The following FAM184A variants were observed in gnomAD, a reference collection of about 807,000 sequenced individuals.
The protein encoded by FAM184A is protein FAM184A.
Under a neutral mutation model 143.8 loss-of-function variants are expected in FAM184A, and 99 were observed. That is an observed-to-expected ratio of 0.69 (90% confidence interval 0.58 to 0.81). The LOEUF is 0.81. Among genes scored for constraint, FAM184A ranks in the 40% least tolerant of loss-of-function variants. The pLI is 0.00. For missense variants in FAM184A, 1,217 were observed against 1,310.5 expected (o/e 0.93, Z 1.10); for synonymous variants, 427 against 446.4 (o/e 0.96, Z 0.55).
chr6:119,014,631 T>C (rs1785182859), intron 5 of FAM184A, among the ~76,000 whole-genome samples: 1 of 152,226 alleles, frequency 6.6e-6, no homozygotes, highest in Non-Finnish European at 1.5e-5. Context: ...AAAAACAGTG[T>C]TTCTATTATG....
upstream of FAM184A, among the ~76,000 whole-genome samples, chr6:119,080,938 G>A (rs914636589): frequency 2.6e-5 from 4 of 152,110 alleles, no homozygotes; most frequent in Admixed American, 6.6e-5. Context: ...GAGAGGCCTC[G>A]GGAAACTTAC....
At chr6:119,061,211 C>T (rs1241395346) in intron 1 of FAM184A, among the ~76,000 whole-genome samples, 1 of 152,130 alleles carries the variant, frequency 6.6e-6, no homozygotes, top group Admixed American at 6.5e-5. Flanking sequence ...GAATAGTTTA[C>T]AAGTTGCGGT....
At chr6:119,104,131 G>A (rs1321206089) in intron 1 of FAM184A, among the ~76,000 whole-genome samples, 1 of 151,784 alleles carries the variant, frequency 6.6e-6, no homozygotes, top group African/African-American at 2.4e-5. Flanking sequence ...CAACCTCCCA[G>A]GCTCAAACGA....
intron 1 of FAM184A, among the ~76,000 whole-genome samples, chr6:119,118,993 G>T (rs564180044): frequency 6.6e-6 from 1 of 152,250 alleles, no homozygotes; most frequent in Non-Finnish European, 1.5e-5. Context: ...ATCCCTAAGG[G>T]TAGGCCTCTG....
chr6:119,115,819 A>G (rs1030952791), intron 1 of FAM184A, among the ~76,000 whole-genome samples: 7 of 150,626 alleles, frequency 4.6e-5, no homozygotes, highest in African/African-American at 1.7e-4. Context: ...AAAAAAAAAA[A>G]ATAGCCTGGT....
intron 1 of FAM184A, among the ~76,000 whole-genome samples, chr6:119,047,950 T>C (rs1269630928): frequency 6.6e-6 from 1 of 152,084 alleles, no homozygotes; most frequent in African/African-American, 2.4e-5. Context: ...CAGGCCAATA[T>C]CCTTGATGAA....
intron 6 of FAM184A, chr6:119,009,655 A>T (rs1336111858): frequency 6.6e-6 from 1 of 152,274 alleles, no homozygotes; most frequent in African/African-American, 2.4e-5. Flanking sequence ...CTCATGCCTC[A>T]GAGCGTTTGC....
In FAM184A at chr6:119,078,213, C is replaced by G. The variant is rs1249788774; in HGVS notation, c.87G>C (p.Leu29=). Residue 29 remains leucine, a synonymous_variant, in exon 1 of 18, where the codon CTG becomes CTC. Transcript: ENST00000338891. This position sits in a 1 kb window ranked among gnomAD's most constrained non-coding sequence, Gnocchi z 5.5. ...GGCTGTAGTCCATGCTGTGCCCAGC[C>G]AGCTGTGCGGTGGCCGGCGAGGGCG... The part of the protein sequence containing the change: ...KFAPSPATAQ[L]AGHSMDYSQE... 1 of 1,564,514 alleles carries G rather than the reference C, an allele frequency of 6.4e-7. No individual in the cohort carries two copies. Among genetic ancestry groups the G allele is most frequent in the Admixed American group, 1.8e-5 (1 of 54,134 alleles).
chr6:119,144,755 A>G (rs768241480), intron 1 of FAM184A, among the ~76,000 whole-genome samples: 5 of 152,200 alleles, frequency 3.3e-5, no homozygotes, highest in Non-Finnish European at 7.3e-5. Context: ...TGGCTAAGAA[A>G]TGGGAGACAG....
chr6:118,985,253 T>C (rs1441078578), intron 9 of FAM184A, among the ~76,000 whole-genome samples: 1 of 152,204 alleles, frequency 6.6e-6, no homozygotes, highest in Non-Finnish European at 1.5e-5. Context: ...TTAATGTCCA[T>C]AGCAGCTGAA....
intron 13 of FAM184A, 29 bp downstream of exon 13, chr6:118,974,995 T>C (rs1355853098): frequency 1.9e-6 from 3 of 1,560,704 alleles, no homozygotes; most frequent in South Asian, 1.1e-5. Context: ...TGACACTGCA[T>C]ATTCCTTCTG....
chr6:119,125,827 G>T (rs1789349698), intron 1 of FAM184A, among the ~76,000 whole-genome samples: 1 of 152,198 alleles, frequency 6.6e-6, no homozygotes, highest in Non-Finnish European at 1.5e-5. Context: ...AAGCCAGCAA[G>T]TGGAGGACTT....
chr6:119,141,976 C>G (rs1052132111), intron 1 of FAM184A, among the ~76,000 whole-genome samples: 1 of 152,184 alleles, frequency 6.6e-6, no homozygotes, highest in African/African-American at 2.4e-5. Context: ...CAAATAATCA[C>G]CCCTTAATTG....
intron 1 of FAM184A, among the ~76,000 whole-genome samples, chr6:119,105,368 C>G (rs1417402487): frequency 6.6e-6 from 1 of 152,008 alleles, no homozygotes; most frequent in Non-Finnish European, 1.5e-5. Context: ...CTGCTGTTCT[C>G]GGGATAGTGA....
chr6:119,009,066 G>A (rs1456994863), intron 6 of FAM184A, among the ~76,000 whole-genome samples: 1 of 152,166 alleles, frequency 6.6e-6, no homozygotes, highest in East Asian at 1.9e-4. Flanking sequence ...CTTATTATGT[G>A]CTGACTTGGG....
At chr6:119,138,237 G>C (rs1034661964) in intron 1 of FAM184A, among the ~76,000 whole-genome samples, 11 of 152,184 alleles carry the variant, frequency 7.2e-5, no homozygotes, top group African/African-American at 2.7e-4. Flanking sequence ...TTGGGATCTG[G>C]AGTTCACTGA....
At chr6:119,135,091 A>C (rs552562820) in intron 1 of FAM184A, among the ~76,000 whole-genome samples, 28 of 152,346 alleles carry the variant, frequency 1.8e-4, no homozygotes, top group Middle Eastern at 3.4e-3. Flanking sequence ...AAAAGTAATA[A>C]ATAATACATA....
intron 1 of FAM184A, chr6:119,069,033 G>T (rs1386385317): frequency 1.1e-5 from 4 of 379,624 alleles, no homozygotes. Flanking sequence ...CAAGTCTGTT[G>T]GAAAATATAT....
intron 1 of FAM184A, among the ~76,000 whole-genome samples, chr6:119,139,336 C>T (rs1261456717): frequency 6.6e-6 from 1 of 152,138 alleles, no homozygotes; most frequent in Non-Finnish European, 1.5e-5. Flanking sequence ...CTCTCTGGAG[C>T]GGCTGGGGAG....
Sources: gnomAD v4.1 joint callset for allele counts (sites outside exome capture counted in the v4.1 genomes callset) on GRCh38, gnomAD v4.1.1 for gene constraint, Gnocchi (gnomAD v3.1) non-coding constraint, MANE v1.5 for transcripts, NCBI Gene and HGNC (gene_info 2026-07-23, HGNC 2026-07-21) for gene names.